The following KHDRBS2 variants were observed in gnomAD, a reference collection of about 807,000 sequenced individuals.
KHDRBS2 encodes the protein KH RNA binding domain containing, signal transduction associated 2.
KHDRBS2 carries 26 observed loss-of-function variants against 44.3 expected under a neutral mutation model. The ratio of observed to expected loss-of-function variants is 0.59; its 90% confidence interval spans 0.43 to 0.81. The LOEUF (loss-of-function observed/expected upper bound fraction) is 0.81, where lower values mean the gene tolerates loss of function less well. Among genes scored for constraint, KHDRBS2 ranks in the 40% least tolerant of loss-of-function variants. The probability of loss-of-function intolerance (pLI) is 0.00; values close to 1 mark genes in which losing one functional copy is unlikely to be tolerated. For synonymous variants in KHDRBS2, 194 were observed against 151.1 expected (o/e 1.28, Z -2.08); for missense variants, 476 against 433.1 (o/e 1.10, Z -0.88).
chr6:62,177,048 T>C (rs2150123099), intron 2 of KHDRBS2, 137 bp downstream of exon 2: 3 of 471,374 alleles, frequency 6.4e-6, no homozygotes, highest in East Asian at 6.8e-5. Flanking sequence ...CCTTCCCCTA[T>C]GTCAGTATCA....
intron 6 of KHDRBS2, among the ~76,000 whole-genome samples, chr6:61,770,793 C>G (rs1180600161): frequency 6.6e-6 from 1 of 152,204 alleles, no homozygotes; most frequent in Non-Finnish European, 1.5e-5. Context: ...CTTCCCCAAT[C>G]TAGCAAGGCA....
intron 4 of KHDRBS2, among the ~76,000 whole-genome samples, chr6:61,916,089 C>G (rs1408794478): frequency 6.6e-6 from 1 of 152,038 alleles, no homozygotes; most frequent in Non-Finnish European, 1.5e-5. Flanking sequence ...TTCCGAAACA[C>G]TTAATTCTAA....
intron 6 of KHDRBS2, among the ~76,000 whole-genome samples, chr6:61,861,969 G>A (rs1797050035): frequency 6.6e-6 from 1 of 151,852 alleles, no homozygotes; most frequent in Non-Finnish European, 1.5e-5. Flanking sequence ...TATTCTTTTT[G>A]TGGCACCTGT....
At chr6:62,201,169 G>A (rs1038125560) in intron 1 of KHDRBS2, among the ~76,000 whole-genome samples, 5 of 151,924 alleles carry the variant, frequency 3.3e-5, no homozygotes, top group African/African-American at 9.7e-5. Context: ...CACCAACATG[G>A]TACATGTATA....
intron 2 of KHDRBS2, among the ~76,000 whole-genome samples, chr6:62,170,971 A>G (rs1230851897): frequency 2.0e-5 from 3 of 151,570 alleles, no homozygotes; most frequent in Non-Finnish European, 4.4e-5. Flanking sequence ...AAAAAAACCA[A>G]CCAAAGGACA....
At chr6:62,280,561 G>A (rs1841657773) in intron 1 of KHDRBS2, among the ~76,000 whole-genome samples, 1 of 152,130 alleles carries the variant, frequency 6.6e-6, no homozygotes, top group Non-Finnish European at 1.5e-5. Context: ...CAGTGATGAA[G>A]ACAGAAGCCA....
rs1363176793 is a variant in KHDRBS2, at chr6:62,133,316, G to A, written c.219+43869C>T. Among the ~76,000 whole-genome samples, 8 of 152,290 alleles carry A rather than the reference G, an allele frequency of 5.3e-5. No homozygotes were observed. The South Asian group carries it at 1.5e-3, about 28-fold the overall frequency. ...CAGCTTTCCCCACACTGTTCTCGTG[G>A]TAGTAAGTCTCATGAGATCTGATAG... On this transcript the variant is annotated intron_variant, in intron 2 of 8. Coordinates refer to ENST00000281156, the MANE Select transcript of KHDRBS2 (RefSeq NM_152688.4).
intron 2 of KHDRBS2, among the ~76,000 whole-genome samples, chr6:62,139,898 C>T (rs928046036): frequency 4.6e-5 from 7 of 152,232 alleles, no homozygotes; most frequent in East Asian, 1.9e-4. Flanking sequence ...CCCGCCCACC[C>T]GCCGCCAATG....
At chr6:61,995,629 T>C (rs1568111) in intron 3 of KHDRBS2, among the ~76,000 whole-genome samples, 113,501 of 152,032 alleles carry the variant, frequency 0.75, 42,836 homozygotes, top group East Asian at 0.81. Context: ...TGTGATCTCA[T>C]GTGCAAAAGT....
At position 62,088,907 on chromosome 6, in the gene KHDRBS2, A is replaced by T. The variant is rs1016757288; in HGVS notation, c.220-40913T>A. 5.2e-4 allele frequency among the ~76,000 whole-genome samples: 79 copies of T among 152,138 alleles called. 1 individual carries two copies. Among genetic ancestry groups the T allele is most frequent in the African/African-American group, 1.9e-3 (78 of 41,526 alleles). ...ACTGGTGCTGCTGCCTTTCTTTCAG[A>T]GATGTTCTGACTAGAGAGGAGGAAT... On this transcript the variant is annotated intron_variant, in intron 2 of 8. Transcript: ENST00000281156.
At chr6:61,983,643 C>T (rs1335752099) in intron 3 of KHDRBS2, among the ~76,000 whole-genome samples, 1 of 151,952 alleles carries the variant, frequency 6.6e-6, no homozygotes, top group African/African-American at 2.4e-5. Context: ...CTGAGATTCC[C>T]TATGTTAATA....
At chr6:62,167,712 G>C (rs1418221387) in intron 2 of KHDRBS2, among the ~76,000 whole-genome samples, 1 of 152,160 alleles carries the variant, frequency 6.6e-6, no homozygotes, top group African/African-American at 2.4e-5. Context: ...AAGCAATGCT[G>C]TGCAGTGGTC....
the KHDRBS2 span, among the ~76,000 whole-genome samples, chr6:61,649,142 A>C: frequency 2.6e-5 from 4 of 152,032 alleles, no homozygotes; most frequent in Non-Finnish European, 5.9e-5. Flanking sequence ...GAAGGGAAGG[A>C]GTGCAAGGGA....
At chr6:61,590,212 G>C in the KHDRBS2 span, among the ~76,000 whole-genome samples, 1 of 152,146 alleles carries the variant, frequency 6.6e-6, no homozygotes, top group Non-Finnish European at 1.5e-5. Flanking sequence ...AATGAAAAAA[G>C]ATGGGGACTA....
chr6:61,792,157 G>A (rs1784718222), intron 6 of KHDRBS2, among the ~76,000 whole-genome samples: 1 of 151,454 alleles, frequency 6.6e-6, no homozygotes, highest in Non-Finnish European at 1.5e-5. Flanking sequence ...GAAGTCTAAA[G>A]TTGAAATCTG....
At chr6:61,597,036 A>AT in the KHDRBS2 span, among the ~76,000 whole-genome samples, 1 of 152,166 alleles carries the variant, frequency 6.6e-6, no homozygotes, top group Non-Finnish European at 1.5e-5. Flanking sequence ...TCTAAATATC[A>AT]TTTTTTTGCC....
At chr6:61,976,913 G>A (rs10484621) in intron 4 of KHDRBS2, among the ~76,000 whole-genome samples, 2,379 of 152,232 alleles carry the variant, frequency 0.016, 30 homozygotes, top group Non-Finnish European at 0.026. Context: ...TTAGGGAGAT[G>A]TTCAGATGAG....
At chr6:61,695,621 T>G (rs1331719025) in intron 8 of KHDRBS2, among the ~76,000 whole-genome samples, 1 of 152,164 alleles carries the variant, frequency 6.6e-6, no homozygotes, top group Non-Finnish European at 1.5e-5. Context: ...TACTCTCACA[T>G]TGACTTCACC....
the KHDRBS2 span, among the ~76,000 whole-genome samples, chr6:61,615,498 T>C: frequency 7.2e-5 from 11 of 152,040 alleles, no homozygotes; most frequent in Non-Finnish European, 1.3e-4. Flanking sequence ...AAACAAGTAG[T>C]AGTGTTATTT....
Sources: gnomAD v4.1 joint callset for allele counts (sites outside exome capture counted in the v4.1 genomes callset) on GRCh38, gnomAD v4.1.1 for gene constraint, MANE v1.5 for transcripts, NCBI Gene and HGNC (gene_info 2026-07-23, HGNC 2026-07-21) for gene names.